TECPR2: variants seen among roughly 807,000 people sequenced by gnomAD.
The protein encoded by TECPR2 is tectonin beta-propeller repeat-containing protein 2.
TECPR2 carries 65 observed loss-of-function variants against 138.1 expected under a neutral mutation model. The ratio of observed to expected loss-of-function variants is 0.47; its 90% CI spans 0.39 to 0.58. The LOEUF (loss-of-function observed/expected upper bound fraction) is 0.58. Among genes scored for constraint, TECPR2 ranks in the 20% least tolerant of loss-of-function variants. TECPR2 has a pLI of 0.00. For synonymous variants in TECPR2, 746 were observed against 749.8 expected, an observed-to-expected ratio of 0.99 and a Z score of 0.08; for missense variants, 1,553 against 1,824.5, an observed-to-expected ratio of 0.85 and a Z score of 2.71.
intron 2 of TECPR2, among the ~76,000 whole-genome samples, chr14:102,390,946 G>A (rs1279439576): frequency 1.3e-5 from 2 of 152,136 alleles, no homozygotes; most frequent in African/African-American, 4.8e-5. Context: ...TCCCTGGGCT[G>A]ATCAACAGCA....
intron 4 of TECPR2, among the ~76,000 whole-genome samples, chr14:102,410,394 C>T (rs1431171703): frequency 6.8e-6 from 1 of 146,696 alleles, no homozygotes; most frequent in African/African-American, 2.5e-5. Flanking sequence ...CTGACCTTCC[C>T]TCCACTATTG....
intron 14 of TECPR2, 108 bp from the exon 15 acceptor site, chr14:102,450,452 T>C (rs1260310352): frequency 7.9e-6 from 8 of 1,018,656 alleles, no homozygotes; most frequent in South Asian, 1.4e-5. Context: ...ACTCTAGAAT[T>C]ATCTGGAGAA....
At position 102,376,865 on chromosome 14, in the gene TECPR2, C is replaced by T. The variant is rs1447149764; in HGVS notation, c.144C>T (p.Ile48=). The T allele has an allele frequency of 2.4e-5, 38 of 1,614,076 alleles. No homozygotes were observed. Among genetic ancestry groups the T allele is most frequent in the Non-Finnish European group, 3.1e-5 (37 of 1,180,046 alleles). The part of the protein sequence containing the change: ...LTALDTNGDY[I]AVGSSIGMLY... The stretch of plus-strand genomic sequence containing the variant: ...CCCTCGACACCAACGGGGACTACAT[C>T]GCGGTGGGCAGCAGCATCGGCATGC... Residue 48 remains isoleucine, a synonymous_variant, in exon 2 of 20, where the codon ATC becomes ATT. Transcript: ENST00000359520.
chr14:102,438,080 T>C lies in TECPR2; in HGVS notation c.2453T>C (p.Val818Ala), dbSNP rs766994977. ...GGCTATGGCATCCTCAGCTTGGTGG[T>C]CTCCGAGAAGTATATCTGGTGCCTG... ...GPGYGILSLV[V>A]SEKYIWCLDY... The change falls in exon 10 of 20, where the codon GTC (valine) becomes GCC (alanine). Residue 818 changes from valine (V) to alanine (A), a missense_variant. Val to Ala is a moderately conservative substitution (Grantham distance 64). Transcript: ENST00000359520. The C allele has an allele frequency of 4.3e-6, 7 of 1,614,120 alleles. No homozygotes were observed. The East Asian group carries it at 1.6e-4, about 36-fold the overall frequency.
At chr14:102,437,854 A>C (rs1278610314) in intron 9 of TECPR2, among the ~76,000 whole-genome samples, 168 bp from the exon 10 acceptor site, 4 of 152,254 alleles carry the variant, frequency 2.6e-5, no homozygotes, top group East Asian at 3.9e-4. Context: ...TTTGTAGTAG[A>C]GGGGTGTCCA....
At chr14:102,447,794 A>G (rs566152972) in intron 13 of TECPR2, among the ~76,000 whole-genome samples, 3 of 152,110 alleles carry the variant, frequency 2.0e-5, no homozygotes, top group Admixed American at 6.5e-5. Flanking sequence ...CAGCCTCCCA[A>G]AGTGCTGGGA....
chr14:102,398,082 A>G (rs1296539101), intron 2 of TECPR2, among the ~76,000 whole-genome samples: 2 of 150,154 alleles, frequency 1.3e-5, no homozygotes, highest in African/African-American at 2.4e-5. Context: ...CAAAAAAAAA[A>G]AAAAAAAAAG....
Position 102,425,298 on chromosome 14 carries a change from G to T in TECPR2, c.951+7G>T. 1 of 1,570,530 alleles carries T rather than the reference G, an allele frequency of 6.4e-7. No homozygotes were observed. Among genetic ancestry groups the T allele is most frequent in the Non-Finnish European group, 8.6e-7 (1 of 1,156,336 alleles). On this transcript the variant is annotated splice_region_variant and intron_variant, in intron 6 of 19. Coordinates refer to ENST00000359520, the MANE Select transcript of TECPR2 (RefSeq NM_014844.5). The stretch of plus-strand genomic sequence containing the variant: ...CCTAGACACAGTCAACCAGGTAAGT[G>T]AAGGGACGCCACCATATCTTCTGTG...
At chr14:102,446,747 G>C (rs776884494) in intron 13 of TECPR2, among the ~76,000 whole-genome samples, 3 of 152,132 alleles carry the variant, frequency 2.0e-5, no homozygotes, top group African/African-American at 2.4e-5. Context: ...GAGTGCATTA[G>C]AAACATAAAG....
At chr14:102,424,000 G>A (rs537067251) in intron 5 of TECPR2, among the ~76,000 whole-genome samples, 2 of 152,274 alleles carry the variant, frequency 1.3e-5, no homozygotes, top group South Asian at 2.1e-4. Context: ...CCTCCAAAAC[G>A]GGAGTTGTAA....
chr14:102,469,906 A>G (rs1452424504), intron 17 of TECPR2, among the ~76,000 whole-genome samples: 3 of 152,154 alleles, frequency 2.0e-5, no homozygotes, highest in African/African-American at 4.8e-5. Flanking sequence ...GGAGTTTTAT[A>G]TGTTGAAACA....
rs1422731314 is a variant in TECPR2, at chr14:102,463,432, A to G, written c.3641-1709A>G. Among the ~76,000 whole-genome samples, 132 of 150,868 alleles carry G rather than the reference A, an allele frequency of 8.7e-4. 3 individuals carry two copies. The East Asian group carries it at 0.017, about 20-fold the overall frequency. On this transcript the variant is annotated intron_variant, in intron 16 of 19. Coordinates refer to ENST00000359520, the MANE Select transcript of TECPR2 (RefSeq NM_014844.5). ...ACTCCGTCTCAAAAAAAAAAAAAAA[A>G]AAAAAAAGAAAAAAACAAAAAAACA...
At position 102,409,592 on chromosome 14, in the gene TECPR2, C is replaced by T. The variant is rs1156531239; in HGVS notation, c.480+973C>T. 2.0e-5 allele frequency among the ~76,000 whole-genome samples: 3 copies of T among 152,086 alleles called. No homozygotes were observed. The East Asian group carries it at 5.8e-4, about 29-fold the overall frequency. On this transcript the variant is annotated intron_variant, in intron 4 of 19. Transcript: ENST00000359520. The stretch of plus-strand genomic sequence containing the variant: ...GGGATTACAGGCGTGAGCCACCACG[C>T]CCAGCCAAGAATTCAGCAATTATTA...
intron 2 of TECPR2, among the ~76,000 whole-genome samples, chr14:102,391,337 G>A (rs1567321069): frequency 6.6e-6 from 1 of 152,212 alleles, no homozygotes; most frequent in Admixed American, 6.5e-5. Context: ...TGGGATTACA[G>A]GCATGAGCCA....
chr14:102,435,940 G>C (rs1466966883), intron 9 of TECPR2, among the ~76,000 whole-genome samples: 1 of 152,208 alleles, frequency 6.6e-6, no homozygotes, highest in Admixed American at 6.5e-5. Flanking sequence ...GTCGATGTGA[G>C]GTATGAATTA....
intron 1 of TECPR2, among the ~76,000 whole-genome samples, chr14:102,373,866 G>T (rs1237817194): frequency 6.6e-6 from 1 of 151,918 alleles, no homozygotes; most frequent in Non-Finnish European, 1.5e-5. Context: ...AGATCATGAG[G>T]TCAGGAGTTC....
intron 17 of TECPR2, among the ~76,000 whole-genome samples, chr14:102,494,967 C>G (rs540492135): frequency 1.3e-5 from 2 of 152,208 alleles, no homozygotes; most frequent in East Asian, 3.9e-4. Context: ...AATCTCAGCA[C>G]TTTGGGAGGC....
At chr14:102,471,467 G>A (rs958360054) in intron 17 of TECPR2, among the ~76,000 whole-genome samples, 1 of 151,872 alleles carries the variant, frequency 6.6e-6, no homozygotes, top group Non-Finnish European at 1.5e-5. Context: ...ACTTTGGAAG[G>A]TTGAGGCAGG....
At position 102,441,677 on chromosome 14, in the gene TECPR2, C is replaced by A. The variant is rs574482172; in HGVS notation, c.2752+1068C>A. ...TGCACTCTCCAGCCTGGTGACAGGG[C>A]GAGACTCCGTCTCAAAACAAAACAA... On this transcript the variant is annotated intron_variant, in intron 11 of 19. Coordinates refer to ENST00000359520, the MANE Select transcript of TECPR2 (RefSeq NM_014844.5). Among the ~76,000 whole-genome samples, 113 of 152,050 alleles carry A rather than the reference C, an allele frequency of 7.4e-4. 1 individual carries two copies. The highest frequency in any genetic ancestry group is 7.4e-3 in the Admixed American group (113 of 15,280).
Sources: allele counts gnomAD v4.1 joint callset (sites outside exome capture counted in the v4.1 genomes callset), GRCh38; gene constraint gnomAD v4.1.1; transcripts MANE v1.5; gene names NCBI Gene and HGNC (gene_info 2026-07-23, HGNC 2026-07-21).